The following RHOQ variants were observed in gnomAD, a reference collection of about 807,000 sequenced individuals.
RHOQ encodes ras homolog family member Q, also known as rho-related GTP-binding protein RhoQ.
In RHOQ, 7 loss-of-function variants were observed where a neutral mutation model predicts 25.8. That is an observed-to-expected ratio of 0.27 (90% CI 0.15 to 0.51). The LOEUF (loss-of-function observed/expected upper bound fraction) is 0.51, where lower values mean the gene tolerates loss of function less well. Among genes scored for constraint, RHOQ ranks in the 20% least tolerant of loss-of-function variants. RHOQ has a pLI of 0.97. For missense variants in RHOQ, 165 were observed against 260.6 expected, an observed-to-expected ratio of 0.63 and a Z score of 2.53; for synonymous variants, 97 against 98.6, an observed-to-expected ratio of 0.98 and a Z score of 0.10.
At position 46,552,560 on chromosome 2, in the gene RHOQ, C is replaced by G. The variant is rs1668276411; in HGVS notation, c.201+8748C>G. Among the ~76,000 whole-genome samples, 1 of 152,228 alleles carries G rather than the reference C, an allele frequency of 6.6e-6. No homozygotes were observed. Among genetic ancestry groups the G allele is most frequent in the South Asian group, 2.1e-4 (1 of 4,830 alleles). Reference sequence around the variant, plus strand: ...ATCTGAATATTCTCTAAATATGGCGCAAAACTTCCTCTGCCACCTGCTGCT... The same window carrying G: ...ATCTGAATATTCTCTAAATATGGCGGAAAACTTCCTCTGCCACCTGCTGCT... On this transcript the variant is annotated intron_variant, in intron 2 of 4. Coordinates refer to ENST00000238738, the MANE Select transcript of RHOQ (RefSeq NM_012249.4). This position sits in a 1 kb window ranked among gnomAD's most constrained non-coding sequence, Gnocchi z 5.0.
At chr2:46,580,123 T>A (rs558572853) in intron 4 of RHOQ, 3 of 152,586 alleles carry the variant, frequency 2.0e-5, no homozygotes, top group Non-Finnish European at 4.4e-5. Flanking sequence ...ATCATGTCAC[T>A]GCTCTGCTCA....
At chr2:46,565,921 G>T (rs1359792372) in intron 2 of RHOQ, among the ~76,000 whole-genome samples, 1 of 152,244 alleles carries the variant, frequency 6.6e-6, no homozygotes, top group Non-Finnish European at 1.5e-5. Context: ...GAAGTGTGGA[G>T]CATGGCAATG....
intron 2 of RHOQ, among the ~76,000 whole-genome samples, chr2:46,554,677 AC>A (rs1668358205): frequency 6.6e-6 from 1 of 151,304 alleles, no homozygotes; most frequent in Non-Finnish European, 1.5e-5. Context: ...TTACTCAAAC[AC>A]CCATCTTGCC....
At chr2:46,574,731 C>CCA (rs920115827) in intron 2 of RHOQ, among the ~76,000 whole-genome samples, 3 of 152,120 alleles carry the variant, frequency 2.0e-5, no homozygotes, top group Admixed American at 2.0e-4. Context: ...AAAGGGTTAC[C>CCA]CACCAGTCAA....
At chr2:46,561,230 C>G (rs1668568484) in intron 2 of RHOQ, among the ~76,000 whole-genome samples, 1 of 136,418 alleles carries the variant, frequency 7.3e-6, no homozygotes, top group South Asian at 2.3e-4. Context: ...ATACAGGTAT[C>G]AAAGACATTG....
chr2:46,564,413 T>G (rs1032964856), intron 2 of RHOQ, among the ~76,000 whole-genome samples: 2 of 152,152 alleles, frequency 1.3e-5, no homozygotes, highest in South Asian at 2.1e-4. Context: ...CATTTTCATC[T>G]CCTCCTCAGA....
intron 2 of RHOQ, among the ~76,000 whole-genome samples, chr2:46,546,492 ATATATATATATATATATATG>A (rs1349177350): frequency 1.0e-4 from 2 of 20,090 alleles, no homozygotes; most frequent in South Asian, 2.0e-3. Context: ...ATATATATAT[ATATATATATATATATATATG>A]TATATACATA....
At chr2:46,570,919 A>G (rs1043556070) in intron 2 of RHOQ, among the ~76,000 whole-genome samples, 19 of 152,256 alleles carry the variant, frequency 1.2e-4, no homozygotes, top group Non-Finnish European at 2.6e-4. Context: ...ACTATTTCTT[A>G]CATCAAAGTA....
At chr2:46,560,657 C>G (rs1668546963) in intron 2 of RHOQ, 1 of 455,760 alleles carries the variant, frequency 2.2e-6, no homozygotes, top group African/African-American at 2.0e-5. Context: ...TGTCCACTAG[C>G]TCCAGCATCC....
chr2:46,559,515 G>A (rs1222481262), intron 2 of RHOQ, among the ~76,000 whole-genome samples: 1 of 152,186 alleles, frequency 6.6e-6, no homozygotes, highest in South Asian at 2.1e-4. Flanking sequence ...GGGTTTCTCA[G>A]CTTCAGTACT....
intron 2 of RHOQ, among the ~76,000 whole-genome samples, chr2:46,553,934 A>C (rs977037844): frequency 7.9e-5 from 12 of 152,090 alleles, no homozygotes; most frequent in African/African-American, 2.9e-4. Context: ...CCCCAACTAC[A>C]CATCCCAGCC....
Position 46,584,373 on chromosome 2 carries a change from C to A in RHOQ, c.*3290C>A, listed in dbSNP as rs1030570886. Among the ~76,000 whole-genome samples, 1 of 152,096 alleles carries A rather than the reference C, an allele frequency of 6.6e-6. No individual in the cohort carries two copies. Among genetic ancestry groups the A allele is most frequent in the East Asian group, 1.9e-4 (1 of 5,198 alleles). ...AGTCCCTATACTCTGTTAAAAAAAG[C>A]TCACTGTTAAAGTATAGGGAGAATA... On this transcript the variant is annotated 3_prime_UTR_variant, in exon 5 of 5. Transcript: ENST00000238738.
In RHOQ at chr2:46,576,464, C is replaced by CT. The variant is rs1669132585; in HGVS notation, c.367-90dup. 6.5e-6 allele frequency: 6 copies of CT among 919,474 alleles called. No homozygotes were observed. The highest frequency in any genetic ancestry group is 5.1e-5 in the East Asian group (2 of 39,034). The allele number at this position is 919,474 out of a possible 1,614,324, so 57.0% of individuals were successfully genotyped here. A position where few individuals can be genotyped will look rare whatever the true frequency, so the allele number is the denominator to read the frequency against. ...TAAAAATTAAGTTCTTTTGTTTAAT[C>CT]TTTTTTTGGTATGTGGGAATTAAGT... On this transcript the variant is annotated intron_variant, in intron 3 of 4. Transcript: ENST00000238738. This position sits in a 1 kb window ranked among gnomAD's most constrained non-coding sequence, Gnocchi z 5.1.
chr2:46,561,344 C>CA (rs1668572625), intron 2 of RHOQ, among the ~76,000 whole-genome samples: 1 of 151,978 alleles, frequency 6.6e-6, no homozygotes. Context: ...CCAGGCAAGA[C>CA]AGAGTATTCC....
chr2:46,563,941 C>T (rs572609573), intron 2 of RHOQ, among the ~76,000 whole-genome samples: 23 of 152,076 alleles, frequency 1.5e-4, no homozygotes, highest in African/African-American at 5.1e-4. Flanking sequence ...TGGGCCACCA[C>T]GCCCAGCCCC....
rs1024909156 is a variant in RHOQ at position 46,556,012 on chromosome 2, C to G, written c.201+12200C>G. 3.3e-5 allele frequency among the ~76,000 whole-genome samples: 5 copies of G among 152,158 alleles called. No individual in the cohort carries two copies. Among genetic ancestry groups the G allele is most frequent in the Admixed American group, 6.5e-5 (1 of 15,280 alleles). On this transcript the variant is annotated intron_variant, in intron 2 of 4. Transcript: ENST00000238738. The surrounding 1 kb of genome is among the most constrained non-coding windows in gnomAD (Gnocchi z 4.9). ...TTTTTGAGGCATAATTCAGAGAACA[C>G]TTTCATCACCCCAGAACGAAACCCC...
chr2:46,546,454 ATATATATATATATATATATGTG>A (rs1375915674), intron 2 of RHOQ, among the ~76,000 whole-genome samples: 7 of 4,560 alleles, frequency 1.5e-3, no homozygotes, highest in African/African-American at 3.8e-3. Flanking sequence ...ACATATACAT[ATATATATATATATATATATGTG>A]TATATATATA....
intron 4 of RHOQ, among the ~76,000 whole-genome samples, chr2:46,578,511 C>G (rs575297704): frequency 7.9e-6 from 1 of 127,028 alleles, no homozygotes; most frequent in South Asian, 2.6e-4. Flanking sequence ...GTGGGTGGAT[C>G]GTTTGAGCCC....
At chr2:46,574,743 G>T (rs1381062863) in intron 2 of RHOQ, among the ~76,000 whole-genome samples, 1 of 152,128 alleles carries the variant, frequency 6.6e-6, no homozygotes, top group Non-Finnish European at 1.5e-5. Flanking sequence ...ACCAGTCAAG[G>T]GTTTGGGACA....
Sources: allele counts gnomAD v4.1 joint callset (sites outside exome capture counted in the v4.1 genomes callset), GRCh38; gene constraint gnomAD v4.1.1; non-coding constraint Gnocchi (gnomAD v3.1); transcripts MANE v1.5; gene names NCBI Gene and HGNC (gene_info 2026-07-23, HGNC 2026-07-21).